The following GRM7 variants were observed in gnomAD, a reference collection of about 807,000 sequenced individuals.
GRM7 encodes the protein metabotropic glutamate receptor 7.
Under a neutral mutation model 84.5 loss-of-function variants are expected in GRM7, and 35 were observed. The observed-to-expected ratio is 0.41, with a 90% CI of 0.32 to 0.55. The LOEUF is 0.55. GRM7 is among the 20% of genes least tolerant of loss of function. The probability of loss-of-function intolerance (pLI) is 0.19; values close to 1 mark genes in which losing one functional copy is unlikely to be tolerated. For synonymous variants in GRM7, 487 were observed against 455.1 expected (o/e 1.07, Z -0.89); for missense variants, 1,003 against 1,194.6 (o/e 0.84, Z 2.36).
Position 6,869,587 on chromosome 3 carries a change from C to CTATT in GRM7, c.519+7683_519+7684insTTAT, listed in dbSNP as rs967440924. On this transcript the variant is annotated intron_variant, in intron 1 of 9. Transcript: ENST00000357716. ...AATTTACATCTATCTATCTGTCTAT[C>CTATT]TATCTATCTATCTATGGAGACAGAG... 2.3e-4 allele frequency among the ~76,000 whole-genome samples: 35 copies of CTATT among 152,006 alleles called. 2 individuals carry two copies. In the East Asian group the frequency reaches 6.6e-3, roughly 29 times the overall value.
intron 7 of GRM7, among the ~76,000 whole-genome samples, chr3:7,472,269 A>C (rs1267837868): frequency 1.3e-5 from 2 of 152,202 alleles, no homozygotes; most frequent in East Asian, 3.8e-4. Flanking sequence ...TAAATTACTC[A>C]GCCTCAGATA....
intron 1 of GRM7, among the ~76,000 whole-genome samples, chr3:6,925,969 C>T (rs1270100459): frequency 6.6e-6 from 1 of 152,064 alleles, no homozygotes; most frequent in African/African-American, 2.4e-5. Context: ...TGTTTTCACT[C>T]GCTTTTGTTT....
intron 2 of GRM7, among the ~76,000 whole-genome samples, chr3:7,195,131 G>A (rs1208124107): frequency 6.6e-6 from 1 of 152,128 alleles, no homozygotes; most frequent in Non-Finnish European, 1.5e-5. Flanking sequence ...AAATATACAT[G>A]ATGATGATAA....
chr3:6,869,941 T>C (rs1020975184), intron 1 of GRM7, among the ~76,000 whole-genome samples: 4 of 152,100 alleles, frequency 2.6e-5, no homozygotes, highest in Non-Finnish European at 2.9e-5. Context: ...TTAAACACCT[T>C]CCATGTGCGC....
intron 1 of GRM7, among the ~76,000 whole-genome samples, chr3:6,882,033 T>C (rs1214994644): frequency 6.6e-6 from 1 of 152,094 alleles, no homozygotes; most frequent in Non-Finnish European, 1.5e-5. Context: ...TTATCTTTCC[T>C]GGTTGCAGTT....
chr3:7,212,276 A>G (rs1210626180), intron 2 of GRM7, among the ~76,000 whole-genome samples: 1 of 151,898 alleles, frequency 6.6e-6, no homozygotes. Flanking sequence ...TGGTAAGGAA[A>G]TGGAAATATC....
intron 2 of GRM7, among the ~76,000 whole-genome samples, chr3:7,296,395 C>A (rs772680603): frequency 1.3e-5 from 2 of 151,842 alleles, no homozygotes. Flanking sequence ...TTAGGTAATA[C>A]CTCATAAAAT....
chr3:7,030,455 T>G (rs761093000), intron 1 of GRM7, among the ~76,000 whole-genome samples: 1 of 152,222 alleles, frequency 6.6e-6, no homozygotes, highest in Non-Finnish European at 1.5e-5. Flanking sequence ...CTGAATTGAA[T>G]AGTTTAAATA....
At chr3:7,097,195 G>C (rs1164631564) in intron 1 of GRM7, among the ~76,000 whole-genome samples, 1 of 152,054 alleles carries the variant, frequency 6.6e-6, no homozygotes, top group African/African-American at 2.4e-5. Flanking sequence ...TCACCCAGAT[G>C]GGGAGCCCTG....
intron 9 of GRM7, among the ~76,000 whole-genome samples, chr3:7,733,855 CTCT>C (rs1437082667): frequency 1.3e-5 from 2 of 152,144 alleles, no homozygotes. Context: ...TTGCCCTGCC[CTCT>C]TCTTAAATTG....
At chr3:7,615,652 C>T (rs1431779900) in intron 8 of GRM7, among the ~76,000 whole-genome samples, 1 of 151,942 alleles carries the variant, frequency 6.6e-6, no homozygotes, top group Non-Finnish European at 1.5e-5. Context: ...GGTTATGGCC[C>T]TTTGAGGTTT....
At chr3:7,588,630 G>C (rs557563564) in intron 8 of GRM7, among the ~76,000 whole-genome samples, 1 of 152,290 alleles carries the variant, frequency 6.6e-6, no homozygotes, top group South Asian at 2.1e-4. Flanking sequence ...AGATCATAGA[G>C]CAAGGTATAC....
intron 5 of GRM7, among the ~76,000 whole-genome samples, chr3:7,416,407 C>A (rs2125182618): frequency 1.3e-5 from 2 of 152,242 alleles, no homozygotes; most frequent in South Asian, 4.1e-4. Flanking sequence ...AAGACACATT[C>A]ATGTGGGACA....
In GRM7 at chr3:7,188,961, G is replaced by A. The variant is rs1178305243; in HGVS notation, c.736+42293G>A. Among the ~76,000 whole-genome samples, 1 of 152,152 alleles carries A rather than the reference G, an allele frequency of 6.6e-6. No individual in the cohort carries two copies. Among genetic ancestry groups the A allele is most frequent in the Non-Finnish European group, 1.5e-5 (1 of 68,038 alleles). ...GATGGATGTGTGTGGACTCATCTAG[G>A]AACAAAGAGCCTAGGAGCTGTACTT... On this transcript the variant is annotated intron_variant, in intron 2 of 9. Transcript: ENST00000357716. This position sits in a 1 kb window ranked among gnomAD's most constrained non-coding sequence, Gnocchi z 4.2.
intron 7 of GRM7, among the ~76,000 whole-genome samples, chr3:7,545,979 G>A (rs1010161787): frequency 6.6e-6 from 1 of 152,066 alleles, no homozygotes; most frequent in Non-Finnish European, 1.5e-5. Flanking sequence ...TTTGATGTGA[G>A]TATTAAATAC....
intron 4 of GRM7, among the ~76,000 whole-genome samples, chr3:7,381,164 G>GTT (rs200244189): frequency 6.6e-6 from 1 of 150,392 alleles, no homozygotes; most frequent in African/African-American, 2.4e-5. Context: ...TATTTAGTTA[G>GTT]TTTTTTTTTG....
At chr3:7,517,729 T>G (rs550085314) in intron 7 of GRM7, among the ~76,000 whole-genome samples, 1 of 152,328 alleles carries the variant, frequency 6.6e-6, no homozygotes, top group Non-Finnish European at 1.5e-5. Context: ...TGATTGCCTT[T>G]TAGGTCTTAT....
At chr3:7,285,332 C>T (rs1699392314) in intron 2 of GRM7, among the ~76,000 whole-genome samples, 1 of 152,158 alleles carries the variant, frequency 6.6e-6, no homozygotes, top group Admixed American at 6.6e-5. Flanking sequence ...TTTTAAAACC[C>T]CCTACAGACA....
chr3:7,573,664 T>TG (rs1694817442), intron 7 of GRM7, among the ~76,000 whole-genome samples: 1 of 152,206 alleles, frequency 6.6e-6, no homozygotes, highest in South Asian at 2.1e-4. Flanking sequence ...TCCCCCAACA[T>TG]GTGTGCTAGA....
Sources: gnomAD v4.1 joint callset for allele counts (sites outside exome capture counted in the v4.1 genomes callset) on GRCh38, gnomAD v4.1.1 for gene constraint, Gnocchi (gnomAD v3.1) non-coding constraint, MANE v1.5 for transcripts, NCBI Gene and HGNC (gene_info 2026-07-23, HGNC 2026-07-21) for gene names.